The following TMEM132D variants were observed in gnomAD, a reference collection of about 807,000 sequenced individuals.
The protein encoded by TMEM132D is mature OL transmembrane protein.
Under a neutral mutation model 62.3 loss-of-function variants are expected in TMEM132D, and 21 were observed. That is an observed-to-expected ratio of 0.34 (90% CI 0.24 to 0.49). TMEM132D has a LOEUF of 0.49. Ranked by LOEUF, TMEM132D falls within the 20% of genes least tolerant of loss-of-function variation. The probability of loss-of-function intolerance (pLI) is 0.99; values close to 1 mark genes in which losing one functional copy is unlikely to be tolerated. For synonymous variants in TMEM132D, 621 were observed against 575.6 expected, an observed-to-expected ratio of 1.08 and a Z score of -1.13; for missense variants, 1,346 against 1,402.8, an observed-to-expected ratio of 0.96 and a Z score of 0.65.
chr12:129,554,316 G>C (rs551512123), intron 2 of TMEM132D, among the ~76,000 whole-genome samples: 1 of 152,156 alleles, frequency 6.6e-6, no homozygotes, highest in South Asian at 2.1e-4. Flanking sequence ...TGAACCACAA[G>C]GCACTAAGTA....
intron 4 of TMEM132D, among the ~76,000 whole-genome samples, chr12:129,247,856 A>G (rs1880162115): frequency 7.0e-6 from 1 of 142,314 alleles, no homozygotes; most frequent in Non-Finnish European, 1.5e-5. Flanking sequence ...GCCAGCTTCA[A>G]TGAGCAGGTT....
At chr12:129,812,862 G>T (rs897893349) in intron 1 of TMEM132D, among the ~76,000 whole-genome samples, 4 of 151,612 alleles carry the variant, frequency 2.6e-5, no homozygotes, top group Non-Finnish European at 2.9e-5. Flanking sequence ...CCATCTACAA[G>T]TTGTCACCTC....
At chr12:129,598,430 C>T (rs1402158916) in intron 2 of TMEM132D, among the ~76,000 whole-genome samples, 1 of 152,186 alleles carries the variant, frequency 6.6e-6, no homozygotes, top group East Asian at 1.9e-4. Flanking sequence ...ATGGAATCAT[C>T]ACTTCCTTCA....
chr12:129,817,257 T>C (rs1405021935), intron 1 of TMEM132D, among the ~76,000 whole-genome samples: 1 of 152,182 alleles, frequency 6.6e-6, no homozygotes, highest in Non-Finnish European at 1.5e-5. Context: ...TCAGACACAG[T>C]GGGCTTTTCC....
At chr12:129,815,160 G>A (rs1258145940) in intron 1 of TMEM132D, among the ~76,000 whole-genome samples, 4 of 152,154 alleles carry the variant, frequency 2.6e-5, no homozygotes, top group Admixed American at 6.5e-5. Flanking sequence ...ATTAGCCTAC[G>A]GGCATTTGTT....
Position 129,342,271 on chromosome 12 carries a change from G to A in TMEM132D, c.1116-4454C>T, listed in dbSNP as rs559495833. ...GAACAGAGCCCTCAGAAATAATGCC[G>A]CATATCTACAACTATCTGATCTTTG... On this transcript the variant is annotated intron_variant, in intron 3 of 8. Coordinates refer to ENST00000422113, the MANE Select transcript of TMEM132D (RefSeq NM_133448.3). Among the ~76,000 whole-genome samples the A allele has an allele frequency of 2.8e-4, 42 of 152,146 alleles. No individual in the cohort carries two copies. In the East Asian group the frequency reaches 3.3e-3, roughly 12 times the overall value.
intron 3 of TMEM132D, among the ~76,000 whole-genome samples, chr12:129,456,299 G>T (rs1448119589): frequency 6.6e-6 from 1 of 152,062 alleles, no homozygotes; most frequent in African/African-American, 2.4e-5. Context: ...CTCAGCAAAC[G>T]TTACCTGCTG....
intron 3 of TMEM132D, among the ~76,000 whole-genome samples, chr12:129,437,809 A>G (rs536009307): frequency 2.8e-3 from 429 of 150,812 alleles, no homozygotes; most frequent in Non-Finnish European, 3.1e-3. Flanking sequence ...TTACATAGGT[A>G]TACTTGTGCC....
intron 2 of TMEM132D, among the ~76,000 whole-genome samples, chr12:129,659,899 A>G (rs1340893001): frequency 1.3e-5 from 2 of 152,222 alleles, no homozygotes; most frequent in South Asian, 2.1e-4. Context: ...GGAATTTTAT[A>G]TAAGTGCACC....
intron 2 of TMEM132D, among the ~76,000 whole-genome samples, chr12:129,621,879 G>C (rs772848069): frequency 2.6e-5 from 4 of 152,168 alleles, no homozygotes; most frequent in Admixed American, 6.5e-5. Context: ...TCCCTTTATG[G>C]ATGCTCTTCC....
At chr12:129,431,256 T>A (rs567528468) in intron 3 of TMEM132D, among the ~76,000 whole-genome samples, 1 of 152,364 alleles carries the variant, frequency 6.6e-6, no homozygotes, top group East Asian at 1.9e-4. Context: ...TTCCAGCAGC[T>A]AAGCCTGGAG....
At chr12:129,552,674 T>C (rs1334098061) in intron 2 of TMEM132D, among the ~76,000 whole-genome samples, 1 of 152,192 alleles carries the variant, frequency 6.6e-6, no homozygotes, top group Non-Finnish European at 1.5e-5. Flanking sequence ...TTGCCTGATA[T>C]CTATCCACCT....
chr12:129,649,571 TACTG>T (rs2137181704), intron 2 of TMEM132D, among the ~76,000 whole-genome samples: 1 of 152,342 alleles, frequency 6.6e-6, no homozygotes, highest in East Asian at 1.9e-4. Flanking sequence ...TCTCATAAGT[TACTG>T]ACTTATTTAA....
At chr12:129,567,760 A>G (rs1033101336) in intron 2 of TMEM132D, among the ~76,000 whole-genome samples, 4 of 152,228 alleles carry the variant, frequency 2.6e-5, no homozygotes, top group Non-Finnish European at 5.9e-5. Flanking sequence ...GTATAAATAT[A>G]TATTTTTTAA....
chr12:129,478,710 C>G (rs754830841), intron 3 of TMEM132D, among the ~76,000 whole-genome samples: 1 of 152,150 alleles, frequency 6.6e-6, no homozygotes, highest in African/African-American at 2.4e-5. Context: ...ACATCCTTTT[C>G]CGCTCTTTAG....
At chr12:129,504,566 G>T (rs1247245486) in intron 3 of TMEM132D, among the ~76,000 whole-genome samples, 2 of 152,204 alleles carry the variant, frequency 1.3e-5, no homozygotes, top group Middle Eastern at 3.4e-3. Context: ...GGTGTCAGTT[G>T]TAATATCCTC....
In TMEM132D at chr12:129,252,655, A is replaced by T. The variant is rs181732220; in HGVS notation, c.1300-42992T>A. Among the ~76,000 whole-genome samples the T allele has an allele frequency of 1.8e-4, 28 of 152,310 alleles. No individual in the cohort carries two copies. The East Asian group carries it at 2.1e-3, about 12-fold the overall frequency. On this transcript the variant is annotated intron_variant, in intron 4 of 8. Coordinates refer to ENST00000422113, the MANE Select transcript of TMEM132D (RefSeq NM_133448.3). ...TGGCGATTCCTCAGGGATCTAGAAC[A>T]AGAAATACCATTTGACCCAGCCATC...
chr12:129,324,258 A>G (rs1868822000), intron 4 of TMEM132D, among the ~76,000 whole-genome samples: 2 of 152,198 alleles, frequency 1.3e-5, no homozygotes, highest in African/African-American at 4.8e-5. Context: ...CTAATTGGAC[A>G]CAGTCTGACT....
At position 129,780,666 on chromosome 12, in the gene TMEM132D, C is replaced by A. The variant is rs184067986; in HGVS notation, c.80-79968G>T. ...GGCAAAGACACAGATAGTTATGCTA[C>A]AGGAAATGTCCGTAATTGGTGAATT... On this transcript the variant is annotated intron_variant, in intron 1 of 8. Coordinates refer to ENST00000422113, the MANE Select transcript of TMEM132D (RefSeq NM_133448.3). 3.3e-5 allele frequency among the ~76,000 whole-genome samples: 5 copies of A among 152,282 alleles called. No homozygotes were observed. In the South Asian group the frequency reaches 1.0e-3, roughly 32 times the overall value.
Sources: gnomAD v4.1 joint callset for allele counts (sites outside exome capture counted in the v4.1 genomes callset) on GRCh38, gnomAD v4.1.1 for gene constraint, MANE v1.5 for transcripts, NCBI Gene and HGNC (gene_info 2026-07-23, HGNC 2026-07-21) for gene names.